Variants in HIP1 observed in about 807,000 individuals in gnomAD.
HIP1 encodes the protein huntingtin-interacting protein 1.
HIP1 carries 65 observed loss-of-function variants against 147.6 expected under a neutral mutation model. The ratio of observed to expected loss-of-function variants is 0.44; its 90% CI spans 0.36 to 0.54. HIP1 has a LOEUF of 0.54. Ranked by LOEUF, HIP1 falls within the 20% of genes least tolerant of loss-of-function variation. The pLI is 0.00. For missense variants in HIP1, 1,061 were observed against 1,299.6 expected, an observed-to-expected ratio of 0.82 and a Z score of 2.82; for synonymous variants, 479 against 504.0, an observed-to-expected ratio of 0.95 and a Z score of 0.67.
intron 1 of HIP1, among the ~76,000 whole-genome samples, chr7:75,692,602 GT>G (rs1800500646): frequency 9.1e-6 from 1 of 110,144 alleles, no homozygotes; most frequent in Admixed American, 9.4e-5. Flanking sequence ...TTTTTTTTTT[GT>G]ATTTTTAGTA....
rs782302839 is a variant in HIP1, at chr7:75,538,122, C to A, written c.*50G>T. On this transcript the variant is annotated 3_prime_UTR_variant, in exon 31 of 31. Transcript: ENST00000336926. ...CCTGTGGCTGGGGAAATAACACACA[C>A]GAGATAGGTAACAAGGATTTACACT... 4 of 1,474,204 alleles carry A rather than the reference C, an allele frequency of 2.7e-6. No homozygotes were observed. In the Admixed American group the frequency reaches 5.0e-5, roughly 19 times the overall value. The allele number at this position is 1,474,204 out of a possible 1,614,324, so 91.3% of individuals were successfully genotyped here. A position where few individuals can be genotyped will look rare whatever the true frequency, so the allele number is the denominator to read the frequency against.
intron 1 of HIP1, among the ~76,000 whole-genome samples, chr7:75,624,734 A>G (rs1362223976): frequency 5.9e-5 from 9 of 152,084 alleles, no homozygotes. Context: ...TCCCTTTCCC[A>G]AATACGTCCT....
intron 7 of HIP1, among the ~76,000 whole-genome samples, chr7:75,579,878 C>T (rs1452915497): frequency 6.6e-6 from 1 of 152,126 alleles, no homozygotes; most frequent in Non-Finnish European, 1.5e-5. Flanking sequence ...CAATGTGGAA[C>T]GTTGTCTTTC....
intron 1 of HIP1, among the ~76,000 whole-genome samples, chr7:75,642,408 G>A (rs1295473913): frequency 6.6e-6 from 1 of 152,162 alleles, no homozygotes; most frequent in East Asian, 1.9e-4. Flanking sequence ...GGTGGCGCAT[G>A]CCTGTAATCC....
At chr7:75,538,266 T>A in intron 30 of HIP1, 42 bp from the exon 31 acceptor site, 1 of 1,506,874 alleles carries the variant, frequency 6.6e-7, no homozygotes, top group Non-Finnish European at 9.2e-7. Flanking sequence ...CACTCATGAA[T>A]GCATTCATTC....
rs192602992 is a variant in HIP1, at chr7:75,620,494, C to T, written c.121-21247G>A. 2.8e-3 allele frequency among the ~76,000 whole-genome samples: 432 copies of T among 151,826 alleles called. 1 individual carries two copies. The highest frequency in any genetic ancestry group is 6.8e-3 in the Middle Eastern group (2 of 292). On this transcript the variant is annotated intron_variant, in intron 1 of 30. Coordinates refer to ENST00000336926, the MANE Select transcript of HIP1 (RefSeq NM_005338.7). ...TTGAGGTCAGAAGTTCGAGACCAGC[C>T]TGGCCAACATGGTGAAACCAGTCTC...
At chr7:75,601,210 G>A (rs1554502856) in intron 1 of HIP1, among the ~76,000 whole-genome samples, 1 of 152,034 alleles carries the variant, frequency 6.6e-6, no homozygotes, top group Non-Finnish European at 1.5e-5. Flanking sequence ...AGAATAAAAA[G>A]TCTGGTGGTT....
chr7:75,629,770 G>C (rs1015142240), intron 1 of HIP1, among the ~76,000 whole-genome samples: 1 of 152,024 alleles, frequency 6.6e-6, no homozygotes, highest in Admixed American at 6.6e-5. Context: ...TCAAACTCCC[G>C]ACCTCAGGTG....
Position 75,537,451 on chromosome 7 carries a change from G to C in HIP1, c.*721C>G. The C allele has an allele frequency of 8.6e-6, 2 of 232,460 alleles. No individual in the cohort carries two copies. The highest frequency in any genetic ancestry group is 5.6e-5 in the Admixed American group (1 of 17,726). 14.4% of individuals were successfully genotyped at this position (232,460 alleles called of 1,614,324 possible). On this transcript the variant is annotated 3_prime_UTR_variant, in exon 31 of 31. Coordinates refer to ENST00000336926, the MANE Select transcript of HIP1 (RefSeq NM_005338.7). ...CACCATCGCTGGAGCTACCACAGTT[G>C]GGGGGCCCTGGAGACTCAGCCCCAG...
At chr7:75,692,636 G>T (rs1800502073) in intron 1 of HIP1, among the ~76,000 whole-genome samples, 1 of 151,012 alleles carries the variant, frequency 6.6e-6, no homozygotes, top group Non-Finnish European at 1.5e-5. Flanking sequence ...CACCATGTTG[G>T]CCAGGCTGGT....
In HIP1 at chr7:75,563,057, G is replaced by T. The variant is rs782491193; in HGVS notation, c.898C>A (p.Arg300=). The change falls in exon 11 of 31, where the codon CGA becomes AGA. Residue 300 remains arginine, a synonymous_variant. Transcript: ENST00000336926. ...ATATGTTCTGACAGGGCTGAGGCTC[G>T]CAGGAAGTTGGGTGGGTTCTGAAGA... ...QLPENPPNFL[R]ASALSEHISP... is the part of the protein sequence containing the mutation. 3.7e-6 allele frequency: 6 copies of T among 1,614,154 alleles called. No individual in the cohort carries two copies. Among genetic ancestry groups the T allele is most frequent in the Non-Finnish European group, 5.1e-6 (6 of 1,180,032 alleles).
chr7:75,710,133 C>T (rs112704199), intron 1 of HIP1, among the ~76,000 whole-genome samples: 1,756 of 152,032 alleles, frequency 0.012, 42 homozygotes, highest in African/African-American at 0.04. Flanking sequence ...CCTAGGCTCA[C>T]GTGATCCTCC....
chr7:75,544,669 T>A, intron 27 of HIP1, 26 bp downstream of exon 27: 1 of 1,403,440 alleles, frequency 7.1e-7, no homozygotes, highest in Non-Finnish European at 1.0e-6. Flanking sequence ...CCTTCCAGCG[T>A]CCTAGGAGGT....
intron 1 of HIP1, among the ~76,000 whole-genome samples, chr7:75,605,358 C>CGG (rs200522948): frequency 6.6e-6 from 1 of 151,938 alleles, no homozygotes; most frequent in African/African-American, 2.4e-5. Context: ...GCCTGAGGGC[C>CGG]GGGGGGGATG....
chr7:75,708,656 TA>T (rs782047257), intron 1 of HIP1, among the ~76,000 whole-genome samples: 3 of 152,180 alleles, frequency 2.0e-5, no homozygotes, highest in Non-Finnish European at 4.4e-5. Context: ...AAAAATCATT[TA>T]ATCATATATT....
rs7793647 is a variant in HIP1 at position 75,533,449 on chromosome 7, T to C, written c.*4723A>G. 3,670 of 231,872 alleles carry C rather than the reference T, an allele frequency of 0.016. 151 individuals carry two copies. Among genetic ancestry groups the C allele is most frequent in the African/African-American group, 0.074 (3,372 of 45,264 alleles). 14.4% of individuals were successfully genotyped at this position (231,872 alleles called of 1,614,324 possible). On this transcript the variant is annotated 3_prime_UTR_variant, in exon 31 of 31. Transcript: ENST00000336926. ...GGGAAGGTAGGCACTCAGTGAAAAATGAAATTCATTTCAAGGAACTACCCT... is the reference window on the plus strand; with the variant it reads ...GGGAAGGTAGGCACTCAGTGAAAAACGAAATTCATTTCAAGGAACTACCCT...
At chr7:75,622,498 C>T (rs62475460) in intron 1 of HIP1, among the ~76,000 whole-genome samples, 29,934 of 151,092 alleles carry the variant, frequency 0.2, 3,719 homozygotes, top group Non-Finnish European at 0.28. Flanking sequence ...CCCAGGAGTT[C>T]GAGACCAGCC....
At chr7:75,549,070 C>G in intron 22 of HIP1, 69 bp from the exon 23 acceptor site, 1 of 1,142,726 alleles carries the variant, frequency 8.8e-7, no homozygotes, top group Non-Finnish European at 1.3e-6. Context: ...CCATCTGTAA[C>G]CCTTACAAGA....
At chr7:75,711,274 A>G (rs534447567) in intron 1 of HIP1, among the ~76,000 whole-genome samples, 1 of 152,344 alleles carries the variant, frequency 6.6e-6, no homozygotes, top group East Asian at 1.9e-4. Context: ...GTAACTCTTT[A>G]GCAAACTCTT....
Sources: allele counts gnomAD v4.1 joint callset (sites outside exome capture counted in the v4.1 genomes callset), GRCh38; gene constraint gnomAD v4.1.1; transcripts MANE v1.5; gene names NCBI Gene and HGNC (gene_info 2026-07-23, HGNC 2026-07-21).